The following EPHB2 variants were observed in gnomAD, a reference collection of about 807,000 sequenced individuals.
EPHB2 encodes the protein EPH receptor B2.
Under a neutral mutation model 96.4 loss-of-function variants are expected in EPHB2, and 18 were observed. The observed-to-expected ratio is 0.19, with a 90% CI of 0.13 to 0.28. EPHB2 has a LOEUF of 0.28. Ranked by LOEUF, EPHB2 falls within the 10% of genes least tolerant of loss-of-function variation. The probability of loss-of-function intolerance (pLI) is 1.00; values close to 1 mark genes in which losing one functional copy is unlikely to be tolerated. For synonymous variants in EPHB2, 506 were observed against 534.1 expected (o/e 0.95, Z 0.72); for missense variants, 989 against 1,355.4 (o/e 0.73, Z 4.25).
At chr1:22,823,014 C>G (rs1186809552) in intron 3 of EPHB2, among the ~76,000 whole-genome samples, 1 of 152,210 alleles carries the variant, frequency 6.6e-6, no homozygotes, top group Non-Finnish European at 1.5e-5. Flanking sequence ...TACATATACC[C>G]TATCCATTCC....
rs1640388196 is a variant in EPHB2 at position 22,921,169 on chromosome 1, CCTT to C, written c.*7602_*7604del. The C allele has an allele frequency of 6.6e-6, 1 of 152,256 alleles. No homozygotes were observed. Among genetic ancestry groups the C allele is most frequent in the Non-Finnish European group, 1.5e-5 (1 of 68,080 alleles). The allele number at this position is 152,256 out of a possible 1,614,324, so 9.4% of individuals were successfully genotyped here. On this transcript the variant is annotated 3_prime_UTR_variant, in exon 16 of 16. Coordinates refer to ENST00000374630, the MANE Select transcript of EPHB2 (RefSeq NM_017449.5). Reference sequence around the variant, plus strand: ...GGCTGTGGGAGTGAGTGTGCACACTCCTTCTCCTGAAGTGTCTGCCCCAGCCTG... The same window carrying C: ...GGCTGTGGGAGTGAGTGTGCACACTCCTCCTGAAGTGTCTGCCCCAGCCTG...
Position 22,733,804 on chromosome 1 carries a change from G to A in EPHB2, c.61+22761G>A, listed in dbSNP as rs1039299757. Among the ~76,000 whole-genome samples the A allele has an allele frequency of 2.6e-5, 4 of 152,120 alleles. No homozygotes were observed. Among genetic ancestry groups the A allele is most frequent in the Admixed American group, 2.0e-4 (3 of 15,260 alleles). The stretch of plus-strand genomic sequence containing the variant: ...GGGGACAGAGCTAGAAGTTGAACCC[G>A]GGACTGGATTCTTGGCCTGGTATGA... On this transcript the variant is annotated intron_variant, in intron 1 of 15. Coordinates refer to ENST00000374630, the MANE Select transcript of EPHB2 (RefSeq NM_017449.5). This position sits in a 1 kb window ranked among gnomAD's most constrained non-coding sequence, Gnocchi z 4.6.
chr1:22,892,814 G>T, intron 6 of EPHB2, 70 bp from the exon 7 acceptor site: 1 of 1,601,154 alleles, frequency 6.2e-7, no homozygotes, highest in Non-Finnish European at 8.6e-7. Flanking sequence ...AATGTGGCAG[G>T]AGCAGGCAGT....
At chr1:22,859,389 G>A (rs1212759192) in intron 3 of EPHB2, among the ~76,000 whole-genome samples, 4 of 152,038 alleles carry the variant, frequency 2.6e-5, no homozygotes, top group African/African-American at 9.7e-5. Flanking sequence ...TGGGGCCCAG[G>A]GGCCCTGCAG....
chr1:22,748,882 C>A, intron 1 of EPHB2, among the ~76,000 whole-genome samples: 1 of 147,016 alleles, frequency 6.8e-6, no homozygotes. Context: ...TGGCAAAAAC[C>A]AGAATTACTT....
intron 1 of EPHB2, among the ~76,000 whole-genome samples, chr1:22,716,193 G>C (rs536949612): frequency 6.6e-6 from 1 of 152,310 alleles, no homozygotes; most frequent in South Asian, 2.1e-4. Context: ...TGTCATCTGG[G>C]GTCCCTAAGC....
intron 3 of EPHB2, among the ~76,000 whole-genome samples, chr1:22,805,328 TC>T (rs576205964): frequency 6.6e-6 from 1 of 151,584 alleles, no homozygotes; most frequent in African/African-American, 2.4e-5. Context: ...AGCCTCAGTT[TC>T]CCCCCCAGGC....
intron 3 of EPHB2, among the ~76,000 whole-genome samples, chr1:22,842,907 T>C (rs1304591559): frequency 6.6e-6 from 1 of 151,880 alleles, no homozygotes; most frequent in Non-Finnish European, 1.5e-5. Flanking sequence ...CAGAGAAGCC[T>C]CCTCTGACCA....
Position 22,841,120 on chromosome 1 carries a change from TAAAC to T in EPHB2, c.812-21913_812-21910del, listed in dbSNP as rs1280184304. On this transcript the variant is annotated intron_variant, in intron 3 of 15. Coordinates refer to ENST00000374630, the MANE Select transcript of EPHB2 (RefSeq NM_017449.5). ...AGTATCTGTGGAATGAATGAATGAA[TAAAC>T]AAATGAATGAATCTGCATACCACCA... is the stretch of plus-strand genomic sequence containing the variant. Among the ~76,000 whole-genome samples, 9 of 111,192 alleles carry T rather than the reference TAAAC, an allele frequency of 8.1e-5. No individual in the cohort carries two copies. The East Asian group carries it at 2.3e-3, about 28-fold the overall frequency. The allele number at this position is 111,192 out of a possible 152,430, so 72.9% of individuals were successfully genotyped here. A position where few individuals can be genotyped will look rare whatever the true frequency, so the allele number is the denominator to read the frequency against.
In EPHB2 at chr1:22,784,433, C is replaced by T. The variant is rs769949786; in HGVS notation, c.168C>T (p.Ile56=). The change falls in exon 3 of 16, where the codon ATC becomes ATT. Residue 56 remains isoleucine, a synonymous_variant. Coordinates refer to ENST00000374630, the MANE Select transcript of EPHB2 (RefSeq NM_017449.5). The surrounding 1 kb of genome is among the most constrained non-coding windows in gnomAD (Gnocchi z 5.1). ...GCTACGATGAGAACATGAACACGATCCGCACGTACCAGGTGTGCAACGTGT... is the reference window on the plus strand; with the variant it reads ...GCTACGATGAGAACATGAACACGATTCGCACGTACCAGGTGTGCAACGTGT... ...VSGYDENMNT[I]RTYQVCNVFE... 7 of 1,614,212 alleles carry T rather than the reference C, an allele frequency of 4.3e-6. No homozygotes were observed. The highest frequency in any genetic ancestry group is 2.2e-5 in the East Asian group (1 of 44,880).
chr1:22,800,835 C>T (rs988525089), intron 3 of EPHB2, among the ~76,000 whole-genome samples: 6 of 152,008 alleles, frequency 3.9e-5, no homozygotes, highest in Non-Finnish European at 1.5e-5. Flanking sequence ...ATGTCAGGGC[C>T]ATTGATTTTC....
At chr1:22,819,117 G>A (rs1323087899) in intron 3 of EPHB2, among the ~76,000 whole-genome samples, 3 of 151,798 alleles carry the variant, frequency 2.0e-5, no homozygotes, top group Admixed American at 6.6e-5. Flanking sequence ...CTTTGCTGCC[G>A]AGGAGCTATA....
chr1:22,731,308 G>T (rs1038357744), intron 1 of EPHB2, among the ~76,000 whole-genome samples: 1 of 152,116 alleles, frequency 6.6e-6, no homozygotes, highest in African/African-American at 2.4e-5. Context: ...CTTGCTGAGC[G>T]ACTGTGCACA....
rs1285652571 is a variant in EPHB2, at chr1:22,910,461, A to G, written c.2582A>G (p.Asp861Gly). 1 of 1,614,158 alleles carries G rather than the reference A, an allele frequency of 6.2e-7. No individual in the cohort carries two copies. The highest frequency in any genetic ancestry group is 2.2e-5 in the East Asian group (1 of 44,864). The change falls in exon 14 of 16, where the codon GAC becomes GGC. Residue 861 changes from aspartate to glycine, a missense_variant. Physicochemically the swap from Asp to Gly is moderately conservative, Grantham distance 94. Transcript: ENST00000374630. ...CPSALHQLML[D>G]CWQKDRNHRP... Reference sequence around the variant, plus strand: ...AGCGCCCTGCACCAACTCATGCTGGACTGTTGGCAGAAGGACCGCAACCAC... The same window carrying G: ...AGCGCCCTGCACCAACTCATGCTGGGCTGTTGGCAGAAGGACCGCAACCAC...
intron 3 of EPHB2, among the ~76,000 whole-genome samples, chr1:22,800,847 G>A (rs1366045039): frequency 6.6e-6 from 1 of 152,050 alleles, no homozygotes; most frequent in African/African-American, 2.4e-5. Context: ...TTGATTTTCT[G>A]TCTCTTAGAA....
chr1:22,728,728 C>A (rs1394561440), intron 1 of EPHB2, among the ~76,000 whole-genome samples: 1 of 152,194 alleles, frequency 6.6e-6, no homozygotes, highest in Non-Finnish European at 1.5e-5. Flanking sequence ...CTCTAAGGCC[C>A]GTTGTCCTGC....
Position 22,913,533 on chromosome 1 carries a change from G to T in EPHB2, c.2924G>T (p.Arg975Leu). Reference protein sequence around the residue: ...KKILNSIQVMRAQMNQIQSVE... With the variant: ...KKILNSIQVMLAQMNQIQSVE... Reference sequence around the variant, plus strand: ...ATCCTGAACAGTATCCAGGTGATGCGGGCGCAGATGAACCAGATTCAGTCT... The same window carrying T: ...ATCCTGAACAGTATCCAGGTGATGCTGGCGCAGATGAACCAGATTCAGTCT... The change falls in exon 16 of 16, where the codon CGG (arginine) becomes CTG (leucine). Residue 975 changes from arginine to leucine, a missense_variant. Physicochemically the swap from Arg to Leu is moderately radical, Grantham distance 102 (BLOSUM62 -2). Transcript: ENST00000374630. The surrounding 1 kb of genome is among the most constrained non-coding windows in gnomAD (Gnocchi z 4.1). 1.2e-6 allele frequency: 2 copies of T among 1,614,150 alleles called. No homozygotes were observed. Among genetic ancestry groups the T allele is most frequent in the Non-Finnish European group, 1.7e-6 (2 of 1,180,032 alleles).
intron 1 of EPHB2, among the ~76,000 whole-genome samples, chr1:22,714,100 C>T (rs1360485460): frequency 6.6e-6 from 1 of 152,160 alleles, no homozygotes; most frequent in East Asian, 1.9e-4. Flanking sequence ...ATAGAGTTTC[C>T]TCTCTGGCTG....
intron 3 of EPHB2, among the ~76,000 whole-genome samples, chr1:22,834,782 C>T (rs1645355524): frequency 1.3e-5 from 2 of 151,586 alleles, no homozygotes; most frequent in Admixed American, 1.3e-4. Flanking sequence ...AAAAAGTAGC[C>T]AGGTGTGGTG....
Sources: gnomAD v4.1 joint callset for allele counts (sites outside exome capture counted in the v4.1 genomes callset) on GRCh38, gnomAD v4.1.1 for gene constraint, Gnocchi (gnomAD v3.1) non-coding constraint, MANE v1.5 for transcripts, NCBI Gene and HGNC (gene_info 2026-07-23, HGNC 2026-07-21) for gene names.